SRGAP2: variants seen among roughly 807,000 people sequenced by gnomAD.
SRGAP2 encodes SLIT-ROBO Rho GTPase-activating protein 2.
Under a neutral mutation model 57.2 loss-of-function variants are expected in SRGAP2, and 15 were observed. That is an observed-to-expected ratio of 0.26 (90% confidence interval 0.18 to 0.40). The LOEUF (loss-of-function observed/expected upper bound fraction) is 0.40. SRGAP2 is among the 10% of genes least tolerant of loss of function. SRGAP2 has a pLI of 1.00. For synonymous variants in SRGAP2, 249 were observed against 248.0 expected (o/e 1.00, Z -0.04); for missense variants, 520 against 669.6 (o/e 0.78, Z 2.47).
chr1:206,410,714 A>G (rs1027967253), intron 10 of SRGAP2, among the ~76,000 whole-genome samples: 5 of 152,212 alleles, frequency 3.3e-5, no homozygotes, highest in Non-Finnish European at 5.9e-5. Flanking sequence ...GTCCCAAAAG[A>G]TCTGCGTCCT....
intron 2 of SRGAP2, among the ~76,000 whole-genome samples, chr1:206,276,844 A>G (rs1180443176): frequency 3.3e-5 from 5 of 152,070 alleles, no homozygotes; most frequent in Non-Finnish European, 7.4e-5. Flanking sequence ...CAAGCTGCGG[A>G]TTCTGAATTT....
intron 4 of SRGAP2, among the ~76,000 whole-genome samples, chr1:206,370,418 A>G (rs1430391911): frequency 2.0e-5 from 3 of 152,254 alleles, no homozygotes; most frequent in Non-Finnish European, 4.4e-5. Context: ...GTATTTAGTC[A>G]TAAAAAAGAA....
chr1:206,341,501 G>T (rs1553335227), intron 3 of SRGAP2, among the ~76,000 whole-genome samples: 1 of 151,778 alleles, frequency 6.6e-6, no homozygotes, highest in African/African-American at 2.4e-5. Context: ...TCATCAGGTA[G>T]TTGTGGGGTT....
chr1:206,442,320 C>T (rs895034439), intron 17 of SRGAP2, among the ~76,000 whole-genome samples: 4 of 152,328 alleles, frequency 2.6e-5, no homozygotes, highest in African/African-American at 7.2e-5. Context: ...AGTCACACAG[C>T]GTGTTCATGT....
intron 2 of SRGAP2, chr1:206,207,934 A>G (rs1472495138): frequency 4.8e-5 from 2 of 41,316 alleles, no homozygotes; most frequent in Non-Finnish European, 9.4e-5. Context: ...CCTTGCCACA[A>G]ACAGACTATT....
rs782019360 is a variant in SRGAP2, at chr1:206,426,817, G to T, written c.1495-3345G>T. On this transcript the variant is annotated intron_variant, in intron 13 of 22. Transcript: ENST00000573034. ...GCCCATTTTTTAATCAGATAGTTTG[G>T]TTTTTTGCTATTGAGTTGTTTGAGT... 4.6e-4 allele frequency among the ~76,000 whole-genome samples: 70 copies of T among 152,122 alleles called. 1 individual carries two copies. Among genetic ancestry groups the T allele is most frequent in the Middle Eastern group, 3.4e-3 (1 of 294 alleles).
chr1:206,427,919 G>C (rs1321050112), intron 13 of SRGAP2, among the ~76,000 whole-genome samples: 1 of 152,040 alleles, frequency 6.6e-6, no homozygotes, highest in Non-Finnish European at 1.5e-5. Flanking sequence ...GACCAGCCTG[G>C]GCAACATAGC....
At chr1:206,441,745 C>G (rs1404066577) in intron 17 of SRGAP2, among the ~76,000 whole-genome samples, 1 of 152,074 alleles carries the variant, frequency 6.6e-6, no homozygotes, top group African/African-American at 2.4e-5. Flanking sequence ...CTCTGCAGTC[C>G]CTGGTGGCAG....
At position 206,454,128 on chromosome 1, in the gene SRGAP2, ATAT is replaced by A. The variant is rs1663603914; in HGVS notation, c.2361-745_2361-743del. The A allele has an allele frequency of 1.4e-6, 1 of 701,952 alleles. No individual in the cohort carries two copies. The highest frequency in any genetic ancestry group is 2.6e-6 in the Non-Finnish European group (1 of 384,738). The allele number at this position is 701,952 out of a possible 1,614,324, so 43.5% of individuals were successfully genotyped here. Reference sequence around the variant, plus strand: ...GTCAGTGTTTTTAGTCCTTCCCTTAATATTATTTTTTAAAGGTTGATATCCTGA... The same window carrying A: ...GTCAGTGTTTTTAGTCCTTCCCTTAATATTTTTTAAAGGTTGATATCCTGA... On this transcript the variant is annotated intron_variant, in intron 20 of 22. Coordinates refer to ENST00000573034, the MANE Select transcript of SRGAP2 (RefSeq NM_015326.5). This position sits in a 1 kb window ranked among gnomAD's most constrained non-coding sequence, Gnocchi z 4.3.
At chr1:206,397,710 T>G (rs1553354011) in intron 7 of SRGAP2, among the ~76,000 whole-genome samples, 1 of 145,486 alleles carries the variant, frequency 6.9e-6, no homozygotes, top group Non-Finnish European at 1.5e-5. Context: ...AATGTAATTT[T>G]CCTCCCCCAT....
At chr1:206,218,696 A>T in intron 2 of SRGAP2, among the ~76,000 whole-genome samples, 1 of 140,672 alleles carries the variant, frequency 7.1e-6, no homozygotes, top group East Asian at 2.1e-4. Flanking sequence ...CAGTAAGCTC[A>T]GAGACTTCTA....
intron 2 of SRGAP2, among the ~76,000 whole-genome samples, chr1:206,244,758 T>C (rs1201861895): frequency 1.3e-5 from 2 of 152,158 alleles, no homozygotes; most frequent in African/African-American, 4.8e-5. Flanking sequence ...CCAAGCCCCT[T>C]CAGCCACCTC....
chr1:206,298,430 C>G (rs1171004670), intron 2 of SRGAP2, among the ~76,000 whole-genome samples: 2 of 152,202 alleles, frequency 1.3e-5, no homozygotes, highest in Non-Finnish European at 2.9e-5. Context: ...TTATTTTCCC[C>G]TTCACTGGCA....
chr1:206,454,761 G>C lies in SRGAP2; in HGVS notation c.2361-117G>C. On this transcript the variant is annotated intron_variant, in intron 20 of 22. Transcript: ENST00000573034. The surrounding 1 kb of genome is among the most constrained non-coding windows in gnomAD (Gnocchi z 4.3). ...ACTAGTCCAGCCAGGTGTCGCTGCT[G>C]CCTCAGAGCTGTGTGGGGTCGCGTG... The C allele has an allele frequency of 1.6e-6, 1 of 613,594 alleles. No homozygotes were observed. The highest frequency in any genetic ancestry group is 1.9e-5 in the South Asian group (1 of 51,582). 38.0% of individuals were successfully genotyped at this position (613,594 alleles called of 1,614,324 possible). A position where few individuals can be genotyped will look rare whatever the true frequency, so the allele number is the denominator to read the frequency against.
At chr1:206,255,181 CT>C (rs1303558043) in intron 2 of SRGAP2, among the ~76,000 whole-genome samples, 5 of 142,498 alleles carry the variant, frequency 3.5e-5, no homozygotes, top group African/African-American at 1.1e-4. Context: ...TACTCTGCTG[CT>C]TCCTGGGTTC....
At chr1:206,318,365 A>G (rs1487505225) in intron 3 of SRGAP2, among the ~76,000 whole-genome samples, 1 of 152,160 alleles carries the variant, frequency 6.6e-6, no homozygotes, top group Non-Finnish European at 1.5e-5. Flanking sequence ...TTGGCTTCTT[A>G]GGTGTATTGA....
At chr1:206,363,408 C>T (rs1165378241) in intron 4 of SRGAP2, among the ~76,000 whole-genome samples, 1 of 151,856 alleles carries the variant, frequency 6.6e-6, no homozygotes, top group Non-Finnish European at 1.5e-5. Context: ...CCCATCTTTC[C>T]AATATTTGGG....
At chr1:206,401,025 C>T (rs1486026138) in intron 7 of SRGAP2, among the ~76,000 whole-genome samples, 3 of 146,448 alleles carry the variant, frequency 2.0e-5, no homozygotes, top group Admixed American at 6.8e-5. Context: ...GTGATTTAAC[C>T]ACAGTAACCC....
rs1553300734 is a variant in SRGAP2, at chr1:206,204,916, C to CCG, written c.-542-512_-542-511insGC. On this transcript the variant is annotated intron_variant, in intron 1 of 22. Coordinates refer to ENST00000573034, the MANE Select transcript of SRGAP2 (RefSeq NM_015326.5). ...TTTTTCCTGCAGATTTGCCCCCCCC[C>CCG]CCATCAACATTTTGCTGCCAAGAGA... is the stretch of plus-strand genomic sequence containing the variant. The CCG allele has an allele frequency of 7.1e-5, 10 of 140,000 alleles. 1 individual carries two copies. Among genetic ancestry groups the CCG allele is most frequent in the African/African-American group, 3.0e-4 (10 of 33,252 alleles). 8.7% of individuals were successfully genotyped at this position (140,000 alleles called of 1,614,324 possible). A position where few individuals can be genotyped will look rare whatever the true frequency, so the allele number is the denominator to read the frequency against.
Sources: allele counts gnomAD v4.1 joint callset (sites outside exome capture counted in the v4.1 genomes callset), GRCh38; gene constraint gnomAD v4.1.1; non-coding constraint Gnocchi (gnomAD v3.1); transcripts MANE v1.5; gene names NCBI Gene and HGNC (gene_info 2026-07-23, HGNC 2026-07-21).